The following STC1 variants were observed in gnomAD, a reference collection of about 807,000 sequenced individuals.
STC1 encodes stanniocalcin 1.
STC1 carries 7 observed loss-of-function variants against 22.6 expected under a neutral mutation model. The ratio of observed to expected loss-of-function variants is 0.31; its 90% CI spans 0.18 to 0.58. The LOEUF is 0.58. Ranked by LOEUF, STC1 falls within the 20% of genes least tolerant of loss-of-function variation. The pLI is 0.89. For missense variants in STC1, 224 were observed against 311.0 expected (o/e 0.72, Z 2.10); for synonymous variants, 113 against 120.7 (o/e 0.94, Z 0.42).
chr8:23,854,204 G>C (rs1802671051), intron 1 of STC1: 4 of 1,130,670 alleles, frequency 3.5e-6, no homozygotes, highest in Non-Finnish European at 4.8e-6. Context: ...AGAGCGTCCA[G>C]CTTCTTCGTT....
In STC1 at chr8:23,842,917, G is replaced by A. The variant is rs1390913170; in HGVS notation, c.*1853C>T. On this transcript the variant is annotated 3_prime_UTR_variant, in exon 4 of 4. Transcript: ENST00000290271. Reference sequence around the variant, plus strand: ...ATTGCTCTTGGTCCTTGAGCAGCACGTTACTGGTTTTAAAGGCTTTATGGT... The same window carrying A: ...ATTGCTCTTGGTCCTTGAGCAGCACATTACTGGTTTTAAAGGCTTTATGGT... The A allele has an allele frequency of 2.6e-5, 4 of 153,364 alleles. No homozygotes were observed. The highest frequency in any genetic ancestry group is 4.4e-5 in the Non-Finnish European group (3 of 68,398). 9.5% of individuals were successfully genotyped at this position (153,364 alleles called of 1,614,324 possible).
chr8:23,844,738 G>C lies in STC1; in HGVS notation c.*32C>G, dbSNP rs760529418. On this transcript the variant is annotated 3_prime_UTR_variant, in exon 4 of 4. Coordinates refer to ENST00000290271, the MANE Select transcript of STC1 (RefSeq NM_003155.3). ...TGTCAACACCCCTAAAATGATACTA[G>C]TTTGGTGAGGTTGTGAATAACCTCT... 4 of 1,606,910 alleles carry C rather than the reference G, an allele frequency of 2.5e-6. No individual in the cohort carries two copies. The highest frequency in any genetic ancestry group is 3.4e-6 in the Non-Finnish European group (4 of 1,174,366).
At chr8:23,847,584 C>A (rs1036803221) in intron 3 of STC1, among the ~76,000 whole-genome samples, 1 of 152,240 alleles carries the variant, frequency 6.6e-6, no homozygotes, top group Non-Finnish European at 1.5e-5. Flanking sequence ...TATTTGATGT[C>A]ACCAGTTTCT....
chr8:23,854,352 G>T, intron 1 of STC1, 54 bp downstream of exon 1: 1 of 1,481,918 alleles, frequency 6.7e-7, no homozygotes, highest in Non-Finnish European at 9.4e-7. Flanking sequence ...AAAAGGGAGA[G>T]GCAAATGAGG....
Position 23,844,937 on chromosome 8 carries a change from G to C in STC1, c.577C>G (p.Leu193Val), listed in dbSNP as rs1354061943. 6.2e-7 allele frequency: 1 copy of C among 1,614,182 alleles called. No individual in the cohort carries two copies. The highest frequency in any genetic ancestry group is 8.5e-7 in the Non-Finnish European group (1 of 1,180,028). Residue 193 changes from leucine to valine, a missense_variant, in exon 4 of 4, where the codon CTC (leucine) becomes GTC (valine). By Grantham distance (32) the Leu-to-Val change is conservative. Coordinates refer to ENST00000290271, the MANE Select transcript of STC1 (RefSeq NM_003155.3). ...MEKIGPNMASLFHILQTDHCA... is the reference protein window; with the variant it reads ...MEKIGPNMASVFHILQTDHCA... ...TGGTCTGTCTGCAGGATGTGGAAGA[G>C]GCTGGCCATGTTAGGCCCAATTTTC...
intron 3 of STC1, 62 bp downstream of exon 3, chr8:23,851,258 C>A: frequency 6.4e-7 from 1 of 1,558,814 alleles, no homozygotes; most frequent in Non-Finnish European, 8.8e-7. Context: ...CCCAGTCTGG[C>A]TCTGCCAGCC....
chr8:23,846,380 C>T (rs1802573352), intron 3 of STC1, among the ~76,000 whole-genome samples: 1 of 152,152 alleles, frequency 6.6e-6, no homozygotes, highest in Admixed American at 6.6e-5. Flanking sequence ...AAACCCATTA[C>T]CTCTGTGTTC....
intron 1 of STC1, chr8:23,854,191 A>C (rs1362024883): frequency 3.4e-6 from 4 of 1,184,534 alleles, no homozygotes; most frequent in Non-Finnish European, 4.5e-6. Flanking sequence ...AAATACCCTC[A>C]GCAGAGCGTC....
At chr8:23,847,899 T>G (rs978768796) in intron 3 of STC1, among the ~76,000 whole-genome samples, 1 of 152,204 alleles carries the variant, frequency 6.6e-6, no homozygotes, top group Non-Finnish European at 1.5e-5. Context: ...TTGTGCTTGG[T>G]ATTCTATTTT....
At chr8:23,848,620 T>C (rs1802601171) in intron 3 of STC1, among the ~76,000 whole-genome samples, 2 of 151,014 alleles carry the variant, frequency 1.3e-5, no homozygotes, top group Admixed American at 1.3e-4. Flanking sequence ...AAAGACTTGG[T>C]GGACTAAGTG....
At position 23,852,303 on chromosome 8, in the gene STC1, G is replaced by A. The variant is rs1340387428; in HGVS notation, c.200C>T (p.Thr67Ile). ...TTTACAGATGTCATACATCCCATCTGTGTCACAGGTGGAGTTTTCCAGGCA... is the reference window on the plus strand; with the variant it reads ...TTTACAGATGTCATACATCCCATCTATGTCACAGGTGGAGTTTTCCAGGCA... ...FACLENSTCD[T>I]DGMYDICKSF... The change falls in exon 2 of 4, where the codon ACA becomes ATA. Residue 67 changes from threonine to isoleucine, a missense_variant. Transcript: ENST00000290271. 51 of 1,614,074 alleles carry A rather than the reference G, an allele frequency of 3.2e-5. No individual in the cohort carries two copies. The highest frequency in any genetic ancestry group is 4.2e-5 in the Non-Finnish European group (50 of 1,180,034).
chr8:23,848,720 A>G (rs983557916), intron 3 of STC1, among the ~76,000 whole-genome samples: 1 of 149,952 alleles, frequency 6.7e-6, no homozygotes, highest in African/African-American at 2.4e-5. Context: ...TTTTTTTGAT[A>G]AAGAATAAGA....
chr8:23,852,885 A>G (rs1396360893), intron 1 of STC1, among the ~76,000 whole-genome samples: 1 of 152,198 alleles, frequency 6.6e-6, no homozygotes, highest in East Asian at 1.9e-4. Flanking sequence ...CTGTGCCAGG[A>G]GTCCACTTGG....
chr8:23,854,763 G>A lies in STC1; in HGVS notation c.-240C>T. On this transcript the variant is annotated 5_prime_UTR_variant, in exon 1 of 4. Coordinates refer to ENST00000290271, the MANE Select transcript of STC1 (RefSeq NM_003155.3). ...TGCTGCCACCGCCGCTGCTGCTGCT[G>A]CTGCTGCAGTCGCTGCTTCTTGCAC... 1.6e-6 allele frequency: 1 copy of A among 621,950 alleles called. No homozygotes were observed. 38.5% of individuals were successfully genotyped at this position (621,950 alleles called of 1,614,324 possible).
chr8:23,846,336 T>A (rs1802572826), intron 3 of STC1, among the ~76,000 whole-genome samples: 1 of 152,114 alleles, frequency 6.6e-6, no homozygotes, highest in African/African-American at 2.4e-5. Context: ...CTGGGATGCA[T>A]TTGGTCCATT....
rs1233420894 is a variant in STC1 at position 23,854,570 on chromosome 8, C to T, written c.-47G>A. On this transcript the variant is annotated 5_prime_UTR_variant, in exon 1 of 4. Coordinates refer to ENST00000290271, the MANE Select transcript of STC1 (RefSeq NM_003155.3). ...GTTGTTGGGTTTTTTTTTTTTCCTGCCCCCCTTTCCTCTTTCCCTCTCCTG... is the reference window on the plus strand; with the variant it reads ...GTTGTTGGGTTTTTTTTTTTTCCTGTCCCCCTTTCCTCTTTCCCTCTCCTG... 4.9e-6 allele frequency: 7 copies of T among 1,434,206 alleles called. No individual in the cohort carries two copies. The highest frequency in any genetic ancestry group is 5.9e-6 in the Non-Finnish European group (6 of 1,017,582). 88.8% of individuals were successfully genotyped at this position (1,434,206 alleles called of 1,614,324 possible). A position where few individuals can be genotyped will look rare whatever the true frequency, so the allele number is the denominator to read the frequency against.
Position 23,850,219 on chromosome 8 carries a change from G to T in STC1, c.473+1101C>A, listed in dbSNP as rs561114491. Among the ~76,000 whole-genome samples, 17 of 152,338 alleles carry T rather than the reference G, an allele frequency of 1.1e-4. No individual in the cohort carries two copies. The South Asian group carries it at 3.5e-3, about 32-fold the overall frequency. Reference sequence around the variant, plus strand: ...ATGACTAAATCACTTGTAAGCCCCAGAGGGACTTGGCTGTTGCCACTGTCT... The same window carrying T: ...ATGACTAAATCACTTGTAAGCCCCATAGGGACTTGGCTGTTGCCACTGTCT... On this transcript the variant is annotated intron_variant, in intron 3 of 3. Coordinates refer to ENST00000290271, the MANE Select transcript of STC1 (RefSeq NM_003155.3).
chr8:23,844,928 T>C lies in STC1; in HGVS notation c.586A>G (p.Ile196Val), dbSNP rs980320556. ...TGGGCACAGTGGTCTGTCTGCAGGA[T>C]GTGGAAGAGGCTGGCCATGTTAGGC... ...IGPNMASLFH[I>V]LQTDHCAQTH... Residue 196 changes from isoleucine to valine, a missense_variant, in exon 4 of 4, where the codon ATC becomes GTC. Coordinates refer to ENST00000290271, the MANE Select transcript of STC1 (RefSeq NM_003155.3). The C allele has an allele frequency of 1.9e-6, 3 of 1,613,974 alleles. No homozygotes were observed. The African/African-American group carries it at 4.0e-5, about 22-fold the overall frequency.
chr8:23,849,917 C>CTAT (rs1478427252), intron 3 of STC1, among the ~76,000 whole-genome samples: 2 of 152,054 alleles, frequency 1.3e-5, no homozygotes, highest in Non-Finnish European at 2.9e-5. Context: ...TTCCTCTGTG[C>CTAT]AATAAGAATC....
Sources: allele counts gnomAD v4.1 joint callset (sites outside exome capture counted in the v4.1 genomes callset), GRCh38; gene constraint gnomAD v4.1.1; transcripts MANE v1.5; gene names NCBI Gene and HGNC (gene_info 2026-07-23, HGNC 2026-07-21).